PTN: variants seen among roughly 807,000 people sequenced by gnomAD.
PTN encodes the protein heparin affin regulatory protein.
In PTN, 18 loss-of-function variants were observed where a neutral mutation model predicts 24.1. The observed-to-expected ratio is 0.75, with a 90% CI of 0.52 to 1.11. PTN has a LOEUF of 1.11. Among genes scored for constraint, PTN ranks in the 50% least tolerant of loss-of-function variants. The pLI, the probability that PTN is intolerant of heterozygous loss-of-function variation, is 0.00. For missense variants in PTN, 163 were observed against 198.8 expected, an observed-to-expected ratio of 0.82 and a Z score of 1.08; for synonymous variants, 78 against 68.6, an observed-to-expected ratio of 1.14 and a Z score of -0.67.
chr7:137,338,159 ACT>A (rs553513158), intron 1 of PTN, among the ~76,000 whole-genome samples: 129 of 152,056 alleles, frequency 8.5e-4, no homozygotes, highest in Non-Finnish European at 1.4e-3. Flanking sequence ...TCAATTTCCG[ACT>A]CAAGATTTCA....
intron 4 of PTN, among the ~76,000 whole-genome samples, chr7:137,233,457 C>A (rs1190493708): frequency 6.6e-6 from 1 of 151,946 alleles, no homozygotes; most frequent in Non-Finnish European, 1.5e-5. Context: ...ATTGATTCAG[C>A]AAATATGCAC....
chr7:137,249,165 T>C (rs1469158898), intron 4 of PTN, among the ~76,000 whole-genome samples: 2 of 152,118 alleles, frequency 1.3e-5, no homozygotes, highest in Non-Finnish European at 2.9e-5. Context: ...CAACATTTTA[T>C]GTGTTCACCC....
intron 1 of PTN, among the ~76,000 whole-genome samples, chr7:137,290,738 C>A (rs1809626547): frequency 6.6e-6 from 1 of 152,080 alleles, no homozygotes; most frequent in South Asian, 2.1e-4. Context: ...CAGTAGATGA[C>A]ATTCAAGGGC....
At chr7:137,257,042 T>C (rs557309639) in intron 1 of PTN, among the ~76,000 whole-genome samples, 2 of 152,340 alleles carry the variant, frequency 1.3e-5, no homozygotes, top group African/African-American at 4.8e-5. Flanking sequence ...GAAATAAGAA[T>C]GCTTTTACAC....
At position 137,254,729 on chromosome 7, in the gene PTN, G is replaced by A. The variant is rs935651648; in HGVS notation, c.115+130C>T. ...TCCTCTAAGTAATTATTTTTGAAAA[G>A]GGAAGATTGAAGGAATAGAGGAATA... On this transcript the variant is annotated intron_variant, in intron 2 of 4. Transcript: ENST00000348225. 4 of 520,020 alleles carry A rather than the reference G, an allele frequency of 7.7e-6. No homozygotes were observed. The Admixed American group carries it at 1.0e-4, about 13-fold the overall frequency. The allele number at this position is 520,020 out of a possible 1,614,324, so 32.2% of individuals were successfully genotyped here.
At chr7:137,241,753 A>C (rs1808631867) in intron 4 of PTN, among the ~76,000 whole-genome samples, 1 of 152,186 alleles carries the variant, frequency 6.6e-6, no homozygotes, top group African/African-American at 2.4e-5. Context: ...GCAGAATAAA[A>C]AAGAAATAAA....
chr7:137,257,883 G>A (rs1808962418), intron 1 of PTN, among the ~76,000 whole-genome samples: 2 of 152,154 alleles, frequency 1.3e-5, no homozygotes, highest in East Asian at 1.9e-4. Flanking sequence ...CCTACAGCAA[G>A]AAGAGAGGCC....
intron 1 of PTN, among the ~76,000 whole-genome samples, chr7:137,282,703 T>C (rs2128876221): frequency 6.6e-6 from 1 of 152,320 alleles, no homozygotes; most frequent in Middle Eastern, 3.4e-3. Context: ...CATTTAACAA[T>C]CAGAAAGTTT....
At chr7:137,308,728 C>T (rs1220614511) in intron 1 of PTN, among the ~76,000 whole-genome samples, 1 of 152,134 alleles carries the variant, frequency 6.6e-6, no homozygotes, top group Non-Finnish European at 1.5e-5. Context: ...TCCATCTCCC[C>T]ACAGCACACT....
intron 1 of PTN, among the ~76,000 whole-genome samples, chr7:137,317,875 T>C (rs961894089): frequency 6.6e-6 from 1 of 152,068 alleles, no homozygotes; most frequent in Admixed American, 6.6e-5. Context: ...AGGTTCAGGA[T>C]GAGTAAGTAC....
At chr7:137,245,636 G>C (rs1808710022) in intron 4 of PTN, among the ~76,000 whole-genome samples, 1 of 151,958 alleles carries the variant, frequency 6.6e-6, no homozygotes, top group African/African-American at 2.4e-5. Flanking sequence ...CTGTAAAACA[G>C]CTTCAGACAA....
intron 1 of PTN, among the ~76,000 whole-genome samples, chr7:137,304,809 G>T (rs1375139853): frequency 2.6e-5 from 4 of 152,018 alleles, no homozygotes; most frequent in African/African-American, 9.7e-5. Flanking sequence ...CTCTGAGCTT[G>T]TCTTCTTTAA....
At chr7:137,328,593 C>T (rs1810300820) in intron 1 of PTN, among the ~76,000 whole-genome samples, 1 of 152,180 alleles carries the variant, frequency 6.6e-6, no homozygotes, top group African/African-American at 2.4e-5. Flanking sequence ...GCACTGTGGC[C>T]TCCCCAAGGG....
At chr7:137,273,326 G>C (rs1341810517) in intron 1 of PTN, among the ~76,000 whole-genome samples, 2 of 152,000 alleles carry the variant, frequency 1.3e-5, no homozygotes, top group East Asian at 3.9e-4. Context: ...TTTTTCCTTA[G>C]CATGAATTCA....
intron 1 of PTN, among the ~76,000 whole-genome samples, chr7:137,331,198 G>C (rs551586789): frequency 6.6e-6 from 1 of 152,228 alleles, no homozygotes; most frequent in African/African-American, 2.4e-5. Context: ...TTTAGGAAAT[G>C]TGGATCTGTC....
chr7:137,302,849 C>A (rs993945917), intron 1 of PTN, among the ~76,000 whole-genome samples: 2 of 151,876 alleles, frequency 1.3e-5, no homozygotes, highest in Non-Finnish European at 2.9e-5. Flanking sequence ...CAAAATAACT[C>A]AAAAGTCTAT....
chr7:137,317,161 C>A (rs189352243), intron 1 of PTN, among the ~76,000 whole-genome samples: 1 of 152,166 alleles, frequency 6.6e-6, no homozygotes, highest in East Asian at 1.9e-4. Context: ...TGATGAAAAT[C>A]GGCCTGGGTG....
At chr7:137,278,999 C>G (rs1039375649) in intron 1 of PTN, among the ~76,000 whole-genome samples, 1 of 141,502 alleles carries the variant, frequency 7.1e-6, no homozygotes, top group African/African-American at 2.6e-5. Flanking sequence ...AGAAACGGAC[C>G]AATCCAGAAT....
rs987396082 is a variant in PTN at position 137,323,670 on chromosome 7, G to A, written c.-2+19769C>T. 2.0e-5 allele frequency among the ~76,000 whole-genome samples: 3 copies of A among 152,130 alleles called. No individual in the cohort carries two copies. In the South Asian group the frequency reaches 6.2e-4, roughly 31 times the overall value. On this transcript the variant is annotated intron_variant, in intron 1 of 4. Coordinates refer to ENST00000348225, the MANE Select transcript of PTN (RefSeq NM_002825.7). ...TAGCCTAAGTTTAAGAAAACAAAAT[G>A]TTATAATTGTGTAGTTATATGCTTG...
Sources: gnomAD v4.1 joint callset for allele counts (sites outside exome capture counted in the v4.1 genomes callset) on GRCh38, gnomAD v4.1.1 for gene constraint, MANE v1.5 for transcripts, NCBI Gene and HGNC (gene_info 2026-07-23, HGNC 2026-07-21) for gene names.